The following C11orf65 variants were observed in gnomAD, a reference collection of about 807,000 sequenced individuals.
C11orf65 encodes the protein protein MFI.
Under a neutral mutation model 35.3 loss-of-function variants are expected in C11orf65, and 38 were observed. The observed-to-expected ratio is 1.08, with a 90% CI of 0.83 to 1.41. The LOEUF is 1.41. Ranked by LOEUF, C11orf65 falls within the 40% of genes most tolerant of loss-of-function variation. The probability of loss-of-function intolerance (pLI) is 0.00; values close to 1 mark genes in which losing one functional copy is unlikely to be tolerated. For missense variants in C11orf65, 370 were observed against 367.1 expected (o/e 1.01, Z -0.06); for synonymous variants, 105 against 114.4 (o/e 0.92, Z 0.53).
chr11:108,467,939 C>T (rs2093557878), upstream of C11orf65, among the ~76,000 whole-genome samples: 1 of 152,124 alleles, frequency 6.6e-6, no homozygotes, highest in Admixed American at 6.6e-5. Flanking sequence ...GATTCTCCCA[C>T]GTCAGCCTCC....
At chr11:108,317,395 G>C (rs2136163585) in intron 6 of C11orf65, 1 of 1,611,788 alleles carries the variant, frequency 6.2e-7, no homozygotes, top group South Asian at 1.1e-5. Flanking sequence ...TTGGGACTCT[G>C]CCATATTCTT....
chr11:108,414,381 T>A (rs1488946296), intron 3 of C11orf65, among the ~76,000 whole-genome samples: 1 of 151,982 alleles, frequency 6.6e-6, no homozygotes, highest in Non-Finnish European at 1.5e-5. Flanking sequence ...GAGGTCATCA[T>A]TACTGATTGC....
intron 2 of C11orf65, among the ~76,000 whole-genome samples, chr11:108,447,817 A>C (rs2093285933): frequency 6.6e-6 from 1 of 152,204 alleles, no homozygotes; most frequent in South Asian, 2.1e-4. Context: ...AGACACAAAA[A>C]ACGCTTCAAA....
intron 2 of C11orf65, among the ~76,000 whole-genome samples, chr11:108,337,469 A>G (rs2086974064): frequency 6.6e-6 from 1 of 152,230 alleles, no homozygotes; most frequent in Admixed American, 6.5e-5. Context: ...ATAGTCACTT[A>G]GAGAGTTTGT....
At chr11:108,413,547 G>C (rs1217157247) in intron 3 of C11orf65, among the ~76,000 whole-genome samples, 1 of 152,122 alleles carries the variant, frequency 6.6e-6, no homozygotes, top group Non-Finnish European at 1.5e-5. Flanking sequence ...TGCTGGCTAG[G>C]ACTTCAGTAC....
rs755507979 is a variant in C11orf65 at position 108,320,029 on chromosome 11, T to C, written c.641-10958A>G. 6.2e-7 allele frequency: 1 copy of C among 1,608,254 alleles called. No homozygotes were observed. On this transcript the variant is annotated intron_variant, in intron 6 of 6. Transcript: ENST00000525729. The stretch of plus-strand genomic sequence containing the variant: ...AATCTCTAAGAGACAGAGAATTCTC[T>C]ACATTTTATGAAAGTCTCAAATATG...
Position 108,407,078 on chromosome 11 carries a change from G to T in C11orf65, c.228+18C>A, listed in dbSNP as rs768039181. 6.2e-7 allele frequency: 1 copy of T among 1,603,404 alleles called. No individual in the cohort carries two copies. Among genetic ancestry groups the T allele is most frequent in the Non-Finnish European group, 8.5e-7 (1 of 1,171,890 alleles). On this transcript the variant is annotated intron_variant, in intron 4 of 8. Coordinates refer to ENST00000393084, the MANE Select transcript of C11orf65 (RefSeq NM_152587.5). ...AATGTGCTTTATAACTACTAAATAA[G>T]CATTCATCCATACTTACTCCACCTA...
At chr11:108,343,709 G>A (rs1388104312) in intron 2 of C11orf65, among the ~76,000 whole-genome samples, 3 of 152,170 alleles carry the variant, frequency 2.0e-5, no homozygotes. Flanking sequence ...CTACTTGAGA[G>A]GCTGAGTCTG....
chr11:108,369,692 A>G (rs1442348017), intron 2 of C11orf65, among the ~76,000 whole-genome samples: 1 of 152,194 alleles, frequency 6.6e-6, no homozygotes, highest in Non-Finnish European at 1.5e-5. Flanking sequence ...TTTATGTACA[A>G]CAGTATGTAG....
chr11:108,424,561 T>A (rs921263383), intron 3 of C11orf65, among the ~76,000 whole-genome samples: 1 of 152,076 alleles, frequency 6.6e-6, no homozygotes, highest in East Asian at 1.9e-4. Flanking sequence ...ACAATAATTA[T>A]GGGAGACTTT....
chr11:108,327,841 A>G, downstream of C11orf65: 6 of 1,057,116 alleles, frequency 5.7e-6, no homozygotes, highest in Middle Eastern at 4.0e-4. Flanking sequence ...ATATTTCCAA[A>G]GCAAATAAAA....
At chr11:108,442,294 G>A (rs543096631) in intron 2 of C11orf65, among the ~76,000 whole-genome samples, 30 of 152,228 alleles carry the variant, frequency 2.0e-4, no homozygotes, top group African/African-American at 5.5e-4. Context: ...GAAAAAGAAC[G>A]AACAAAGCCT....
At chr11:108,315,409 G>A (rs1389714420) in intron 6 of C11orf65, among the ~76,000 whole-genome samples, 1 of 152,074 alleles carries the variant, frequency 6.6e-6, no homozygotes. Flanking sequence ...ATAGATTTGT[G>A]TATATTTTAT....
At chr11:108,446,204 C>T (rs2093254664) in intron 2 of C11orf65, among the ~76,000 whole-genome samples, 1 of 152,036 alleles carries the variant, frequency 6.6e-6, no homozygotes. Flanking sequence ...TTGGAAAACA[C>T]TCTGCAGGAT....
rs771781881 is a variant in C11orf65 at position 108,343,265 on chromosome 11, C to G, written c.227-7973G>C. On this transcript the variant is annotated intron_variant, in intron 2 of 3. Transcript: ENST00000524755. ...CGAAGTGGTGTTCTTGAATGGTGCA[C>G]AGGAACTGTCCCCATTGGTGAATTT... 3 of 1,613,950 alleles carry G rather than the reference C, an allele frequency of 1.9e-6. No homozygotes were observed. The highest frequency in any genetic ancestry group is 2.5e-6 in the Non-Finnish European group (3 of 1,179,904).
chr11:108,445,824 G>A (rs141031363), intron 2 of C11orf65, among the ~76,000 whole-genome samples: 1,628 of 152,202 alleles, frequency 0.011, 22 homozygotes, highest in Non-Finnish European at 0.016. Flanking sequence ...AAACGACTCC[G>A]AGCTACAGGA....
chr11:108,325,326 C>G (rs2136307553), intron 6 of C11orf65: 1 of 1,563,126 alleles, frequency 6.4e-7, no homozygotes, highest in Non-Finnish European at 8.7e-7. Context: ...CACACATAGA[C>G]AACTCTCTGA....
At chr11:108,377,105 A>G (rs1324344495) in intron 2 of C11orf65, among the ~76,000 whole-genome samples, 2 of 151,454 alleles carry the variant, frequency 1.3e-5, no homozygotes, top group African/African-American at 4.8e-5. Context: ...ATAGAAAAAG[A>G]GGGAATCCTC....
At chr11:108,334,084 A>G (rs866428372) in intron 3 of C11orf65, 3 of 782,564 alleles carry the variant, frequency 3.8e-6, no homozygotes, top group Admixed American at 4.1e-5. Context: ...CAAATTTCAT[A>G]TGTTTCAACC....
Sources: gnomAD v4.1 joint callset for allele counts (sites outside exome capture counted in the v4.1 genomes callset) on GRCh38, gnomAD v4.1.1 for gene constraint, MANE v1.5 for transcripts, NCBI Gene and HGNC (gene_info 2026-07-23, HGNC 2026-07-21) for gene names.